The following RYR2 variants were observed in gnomAD, a reference collection of about 807,000 sequenced individuals.
The protein encoded by RYR2 is ryanodine receptor 2, also known as cardiac muscle ryanodine receptor-calcium release channel.
RYR2 carries 227 observed loss-of-function variants against 601.1 expected under a neutral mutation model. The ratio of observed to expected loss-of-function variants is 0.38; its 90% CI spans 0.34 to 0.42. RYR2 has a LOEUF of 0.42. Among genes scored for constraint, RYR2 ranks in the 10% least tolerant of loss-of-function variants. The pLI, the probability that RYR2 is intolerant of heterozygous loss-of-function variation, is 1.00. For missense variants in RYR2, 4,646 were observed against 6,156.5 expected (o/e 0.75, Z 8.21); for synonymous variants, 2,223 against 2,175.1 (o/e 1.02, Z -0.61).
chr1:237,193,424 C>T (rs1439685954), intron 1 of RYR2, among the ~76,000 whole-genome samples: 1 of 152,148 alleles, frequency 6.6e-6, no homozygotes, highest in African/African-American at 2.4e-5. Flanking sequence ...CGCGCCACTG[C>T]ACTCCAGCCT....
intron 1 of RYR2, among the ~76,000 whole-genome samples, chr1:237,178,212 T>C (rs375371860): frequency 7.2e-5 from 11 of 152,152 alleles, no homozygotes; most frequent in African/African-American, 2.7e-4. Context: ...TGGTTGTCAT[T>C]TTTGTTATTT....
intron 24 of RYR2, among the ~76,000 whole-genome samples, chr1:237,525,414 C>A (rs1667468730): frequency 6.6e-6 from 1 of 151,590 alleles, no homozygotes. Context: ...GTAAATAGTG[C>A]CGCAATGAAC....
At chr1:237,606,381 C>T (rs1359846268) in intron 35 of RYR2, among the ~76,000 whole-genome samples, 1 of 152,148 alleles carries the variant, frequency 6.6e-6, no homozygotes, top group Non-Finnish European at 1.5e-5. Flanking sequence ...AAAGCTGAAA[C>T]TGGATCCCTT....
intron 1 of RYR2, among the ~76,000 whole-genome samples, chr1:237,061,677 A>T (rs1662907712): frequency 6.6e-6 from 1 of 152,154 alleles, no homozygotes; most frequent in African/African-American, 2.4e-5. Context: ...AGATACGTCT[A>T]TTGCAAATAT....
chr1:237,645,275 T>A (rs115338455), intron 48 of RYR2, among the ~76,000 whole-genome samples: 1 of 152,146 alleles, frequency 6.6e-6, no homozygotes, highest in South Asian at 2.1e-4. Context: ...ACCATAATAA[T>A]TGAACGCCCA....
intron 29 of RYR2, 91 bp downstream of exon 29, chr1:237,569,410 G>A: frequency 7.9e-7 from 1 of 1,264,570 alleles, no homozygotes; most frequent in Non-Finnish European, 1.1e-6. Flanking sequence ...TCTGTTTCAG[G>A]GTGAGTGAGC....
Position 237,387,342 on chromosome 1 carries a change from G to T in RYR2, c.638G>T (p.Ser213Ile). The T allele has an allele frequency of 1.2e-6, 2 of 1,614,010 alleles. No individual in the cohort carries two copies. Among genetic ancestry groups the T allele is most frequent in the Non-Finnish European group, 8.5e-7 (1 of 1,179,888 alleles). Residue 213 changes from serine to isoleucine, a missense_variant, in exon 9 of 105, where the codon AGC becomes ATC. Physicochemically the swap from Ser to Ile is moderately radical, Grantham distance 142 (BLOSUM62 -2). Around this residue, in one of 17 missense-constraint regions of RYR2, gnomAD observed 87 missense variants for 144.7 expected, o/e 0.60. Coordinates refer to ENST00000366574, the MANE Select transcript of RYR2 (RefSeq NM_001035.3). The part of the protein sequence containing the change: ...VDAAFQQTLW[S>I]VAPISSGSEA... Reference sequence around the variant, plus strand: ...GCCGCTTTCCAGCAGACTCTCTGGAGCGTGGCCCCAATCAGCTCAGGAAGT... The same window carrying T: ...GCCGCTTTCCAGCAGACTCTCTGGATCGTGGCCCCAATCAGCTCAGGAAGT...
At chr1:237,493,530 G>A (rs1226835640) in intron 19 of RYR2, among the ~76,000 whole-genome samples, 1 of 152,044 alleles carries the variant, frequency 6.6e-6, no homozygotes, top group African/African-American at 2.4e-5. Flanking sequence ...TCGGCTCACT[G>A]CAAGCTCCAC....
At chr1:237,709,942 T>C (rs914937919) in intron 70 of RYR2, among the ~76,000 whole-genome samples, 1 of 152,220 alleles carries the variant, frequency 6.6e-6, no homozygotes, top group Non-Finnish European at 1.5e-5. Context: ...ATTTTACTTG[T>C]AAAGGTACTG....
intron 29 of RYR2, among the ~76,000 whole-genome samples, chr1:237,574,335 C>T (rs925840240): frequency 2.0e-5 from 3 of 152,044 alleles, no homozygotes; most frequent in African/African-American, 7.2e-5. Flanking sequence ...TTGGGGAAGC[C>T]CAGGGAAAGA....
chr1:237,445,608 C>A (rs1708260138), intron 14 of RYR2, 86 bp downstream of exon 14: 2 of 1,511,270 alleles, frequency 1.3e-6, no homozygotes, highest in Non-Finnish European at 1.8e-6. Flanking sequence ...TAAAAGTATG[C>A]TATGATGGTA....
At chr1:237,581,771 C>T (rs898235735) in intron 29 of RYR2, among the ~76,000 whole-genome samples, 3 of 152,160 alleles carry the variant, frequency 2.0e-5, no homozygotes, top group Non-Finnish European at 4.4e-5. Flanking sequence ...CTCTGTGCAA[C>T]CTGCTATCAT....
intron 1 of RYR2, chr1:237,270,273 C>T (rs757837483): frequency 1.1e-5 from 7 of 663,842 alleles, no homozygotes; most frequent in South Asian, 3.0e-5. Flanking sequence ...CTTGAATGGC[C>T]GTAGCTCCCC....
At chr1:237,576,274 A>G (rs1482094581) in intron 29 of RYR2, among the ~76,000 whole-genome samples, 7 of 152,196 alleles carry the variant, frequency 4.6e-5, no homozygotes, top group African/African-American at 1.4e-4. Context: ...TCTAAAATGT[A>G]TATGGAATTG....
chr1:237,179,825 C>A (rs569918292), intron 1 of RYR2, among the ~76,000 whole-genome samples: 2 of 152,144 alleles, frequency 1.3e-5, no homozygotes, highest in Admixed American at 6.5e-5. Flanking sequence ...GGGAATCTGC[C>A]GGGCTGAGTC....
chr1:237,163,112 T>G (rs1360441919), intron 1 of RYR2, among the ~76,000 whole-genome samples: 1 of 152,198 alleles, frequency 6.6e-6, no homozygotes, highest in African/African-American at 2.4e-5. Context: ...ATCTTTTAAT[T>G]TTTGACTTGA....
rs546962658 is a variant in RYR2 at position 237,350,759 on chromosome 1, A to C, written c.274-5206A>C. 3.3e-5 allele frequency among the ~76,000 whole-genome samples: 5 copies of C among 151,350 alleles called. No homozygotes were observed. The East Asian group carries it at 9.7e-4, about 29-fold the overall frequency. Reference sequence around the variant, plus strand: ...ATAATTCTGAATTTACATGAATCTAATGATATAGCTTTCAAGCTTATAAAA... The same window carrying C: ...ATAATTCTGAATTTACATGAATCTACTGATATAGCTTTCAAGCTTATAAAA... On this transcript the variant is annotated intron_variant, in intron 3 of 104. Transcript: ENST00000366574.
rs544877161 is a variant in RYR2 at position 237,108,061 on chromosome 1, T to C, written c.48+65492T>C. Among the ~76,000 whole-genome samples, 24 of 152,338 alleles carry C rather than the reference T, an allele frequency of 1.6e-4. No homozygotes were observed. The South Asian group carries it at 4.8e-3, about 30-fold the overall frequency. On this transcript the variant is annotated intron_variant, in intron 1 of 104. Coordinates refer to ENST00000366574, the MANE Select transcript of RYR2 (RefSeq NM_001035.3). ...TTCCTGGTGGTGCTGGAAACCTCTG[T>C]GGAAGCTGGTTCATGTATGCCTCAA...
At chr1:237,042,902 G>T (rs930296753) in intron 1 of RYR2, among the ~76,000 whole-genome samples, 1 of 152,128 alleles carries the variant, frequency 6.6e-6, no homozygotes, top group Non-Finnish European at 1.5e-5. Context: ...GGCCGGTCCG[G>T]CCTGCCTGGT....
Sources: gnomAD v4.1 joint callset for allele counts (sites outside exome capture counted in the v4.1 genomes callset) on GRCh38, gnomAD v4.1.1 for gene constraint, gnomAD v4.1.1 regional missense constraint, MANE v1.5 for transcripts, NCBI Gene and HGNC (gene_info 2026-07-23, HGNC 2026-07-21) for gene names.